Variants in SRPRB observed in about 807,000 individuals in gnomAD.
SRPRB encodes the protein signal recognition particle receptor subunit beta.
Under a neutral mutation model 31.9 loss-of-function variants are expected in SRPRB, and 20 were observed. That is an observed-to-expected ratio of 0.63 (90% CI 0.44 to 0.91). The LOEUF (loss-of-function observed/expected upper bound fraction) is 0.91. Among genes scored for constraint, SRPRB ranks in the 40% least tolerant of loss-of-function variants. SRPRB has a pLI of 0.00. For synonymous variants in SRPRB, 146 were observed against 132.8 expected (o/e 1.10, Z -0.68); for missense variants, 321 against 324.9 (o/e 0.99, Z 0.09).
intron 1 of SRPRB, among the ~76,000 whole-genome samples, chr3:133,800,021 C>T (rs1363492572): frequency 6.6e-6 from 1 of 152,198 alleles, no homozygotes; most frequent in Non-Finnish European, 1.5e-5. Flanking sequence ...CTTCCTTCTT[C>T]CCCCAGGGAC....
intron 1 of SRPRB, chr3:133,791,806 G>A (rs903921819): frequency 2.0e-5 from 3 of 152,136 alleles, no homozygotes; most frequent in African/African-American, 7.2e-5. Context: ...TAGGGAATGA[G>A]TCCTTTATCT....
chr3:133,790,521 A>G (rs1346142345), intron 1 of SRPRB: 1 of 152,272 alleles, frequency 6.6e-6, no homozygotes, highest in Non-Finnish European at 1.5e-5. Context: ...ACGATATGGA[A>G]AAAGTTTAGA....
In SRPRB at chr3:133,815,628, G is replaced by A. The variant is rs201723098; in HGVS notation, c.449G>A (p.Arg150Gln). 73 of 1,613,894 alleles carry A rather than the reference G, an allele frequency of 4.5e-5. 1 individual carries two copies. Among genetic ancestry groups the A allele is most frequent in the East Asian group, 3.1e-4 (14 of 44,862 alleles). The change falls in exon 5 of 7, where the codon CGA becomes CAA. Residue 150 changes from arginine to glutamine, a missense_variant. Physicochemically the swap from Arg to Gln is conservative, Grantham distance 43 (BLOSUM62 1). Coordinates refer to ENST00000678299, the MANE Select transcript of SRPRB (RefSeq NM_001379313.1). ...VFVVDSAAFQ[R>Q]EVKDVAEFLY... ...GTTGTGGATAGTGCAGCATTCCAGC[G>A]AGAGGTGAAAGATGTGGCTGAGTTT...
intron 1 of SRPRB, chr3:133,790,055 G>T (rs1282565678): frequency 6.6e-6 from 1 of 152,080 alleles, no homozygotes; most frequent in Non-Finnish European, 1.5e-5. Flanking sequence ...GACTTTAAAA[G>T]ATAGTGTCTA....
At position 133,818,125 on chromosome 3, in the gene SRPRB, A is replaced by G. The variant is rs574226143; in HGVS notation, c.602+1193A>G. 5.9e-5 allele frequency among the ~76,000 whole-genome samples: 9 copies of G among 152,232 alleles called. No homozygotes were observed. The South Asian group carries it at 1.9e-3, about 32-fold the overall frequency. ...CTCTTGGATTGTATCTGTTGCTGCC[A>G]TTAGGTTAATAAGGACATTGGAACA... On this transcript the variant is annotated intron_variant, in intron 6 of 6. Transcript: ENST00000678299.
chr3:133,827,542 G>GAT (rs1308254770), downstream of SRPRB: 5 of 238,036 alleles, frequency 2.1e-5, no homozygotes, highest in South Asian at 4.2e-4. Context: ...GCAGCCTTCT[G>GAT]GAGACCCCAC....
chr3:133,798,394 A>AT (rs1253033000), intron 1 of SRPRB, among the ~76,000 whole-genome samples: 1 of 152,184 alleles, frequency 6.6e-6, no homozygotes, highest in Non-Finnish European at 1.5e-5. Flanking sequence ...TCTTGCTAAT[A>AT]TTTTCATGGC....
In SRPRB at chr3:133,807,618, C is replaced by T. The variant is rs1462423783; in HGVS notation, c.250-128C>T. On this transcript the variant is annotated intron_variant, in intron 2 of 6. Transcript: ENST00000678299. ...TTCTACAGGTAAAAAAAATCAATAT[C>T]GTCTTTTTCACCTGTCGGAAGCAGC... is the stretch of plus-strand genomic sequence containing the variant. 14 of 647,342 alleles carry T rather than the reference C, an allele frequency of 2.2e-5. No homozygotes were observed. In the East Asian group the frequency reaches 4.0e-4, roughly 18 times the overall value. 40.1% of individuals were successfully genotyped at this position (647,342 alleles called of 1,614,324 possible).
chr3:133,789,883 T>C (rs910077613), intron 1 of SRPRB: 2 of 38,464 alleles, frequency 5.2e-5, no homozygotes, highest in African/African-American at 1.3e-4. Flanking sequence ...GTTTGCGTTT[T>C]TTTTTTTTTT....
chr3:133,823,859 T>G (rs1377402047), downstream of SRPRB, among the ~76,000 whole-genome samples: 1 of 152,156 alleles, frequency 6.6e-6, no homozygotes, highest in Non-Finnish European at 1.5e-5. Context: ...ACCAGAAGCA[T>G]GAGAGATCCA....
chr3:133,796,988 G>C (rs905685318), intron 1 of SRPRB, among the ~76,000 whole-genome samples: 3 of 152,168 alleles, frequency 2.0e-5, no homozygotes, highest in Non-Finnish European at 2.9e-5. Flanking sequence ...ATTGACTGTT[G>C]TCCCTTATAT....
In SRPRB at chr3:133,784,426, T is replaced by C. The variant is rs140441982; in HGVS notation, c.-174+282T>C. On this transcript the variant is annotated intron_variant, in intron 1 of 7. Coordinates refer to the SRPRB transcript ENST00000466490. ...GGTGTAAAGAGGTTGTGACTTATGATAGAGTTAGAAAATCACACATCTTGT... is the reference window on the plus strand; with the variant it reads ...GGTGTAAAGAGGTTGTGACTTATGACAGAGTTAGAAAATCACACATCTTGT... 15 of 147,058 alleles carry C rather than the reference T, an allele frequency of 1.0e-4. No homozygotes were observed. In the East Asian group the frequency reaches 2.8e-3, roughly 27 times the overall value. 9.1% of individuals were successfully genotyped at this position (147,058 alleles called of 1,614,324 possible). A position where few individuals can be genotyped will look rare whatever the true frequency, so the allele number is the denominator to read the frequency against.
chr3:133,787,925 T>C (rs1366371740), intron 1 of SRPRB: 1 of 152,212 alleles, frequency 6.6e-6, no homozygotes, highest in East Asian at 1.9e-4. Context: ...TGAAAACGAC[T>C]TTTGGAAGTG....
In SRPRB at chr3:133,820,231, G is replaced by C. The variant is rs191519747; in HGVS notation, c.*465G>C. On this transcript the variant is annotated 3_prime_UTR_variant, in exon 7 of 7. Transcript: ENST00000678299. ...CAGGCAATACATTGTCTAGTCCTTT[G>C]CGAATTTCTCTGATTTGTGGGCACA... is the stretch of plus-strand genomic sequence containing the variant. 267 of 164,198 alleles carry C rather than the reference G, an allele frequency of 1.6e-3. 1 individual carries two copies. The highest frequency in any genetic ancestry group is 2.9e-3 in the Non-Finnish European group (216 of 74,046). 10.2% of individuals were successfully genotyped at this position (164,198 alleles called of 1,614,324 possible).
intron 1 of SRPRB, chr3:133,792,377 T>C (rs2107954812): frequency 6.6e-6 from 1 of 152,310 alleles, no homozygotes; most frequent in Middle Eastern, 3.4e-3. Context: ...GCAAGAAATA[T>C]ACAATTTAAC....
rs1307609363 is a variant in SRPRB at position 133,807,792 on chromosome 3, G to A, written c.296G>A (p.Ser99Asn). The change falls in exon 3 of 7, where the codon AGC becomes AAC. Residue 99 changes from serine to asparagine, a missense_variant. Ser to Asn is a conservative substitution (Grantham distance 46). Transcript: ENST00000678299. ...GACACTCAGACGTCCATTACTGACA[G>A]CTGTGCTGTATACAGAGTCAACAAT... is the stretch of plus-strand genomic sequence containing the variant. ...YRDTQTSITD[S>N]CAVYRVNNNR... is the part of the protein sequence containing the mutation. The A allele has an allele frequency of 6.2e-6, 10 of 1,612,824 alleles. No individual in the cohort carries two copies. The highest frequency in any genetic ancestry group is 8.5e-6 in the Non-Finnish European group (10 of 1,179,750).
In SRPRB at chr3:133,819,985, T is replaced by G; in HGVS notation, c.*219T>G. The G allele has an allele frequency of 5.6e-6, 3 of 531,558 alleles. No homozygotes were observed. In the South Asian group the frequency reaches 6.7e-5, roughly 12 times the overall value. The allele number at this position is 531,558 out of a possible 1,614,324, so 32.9% of individuals were successfully genotyped here. On this transcript the variant is annotated 3_prime_UTR_variant, in exon 7 of 7. Transcript: ENST00000678299. ...CTGCCTTTCAAACAAGTACCTTTTA[T>G]CTGATGCCTGTATCTTCCCTTTGTT...
intron 1 of SRPRB, chr3:133,789,872 C>T (rs1334381126): frequency 7.2e-5 from 7 of 97,544 alleles, no homozygotes; most frequent in African/African-American, 2.1e-4. Context: ...AAAACGATCT[C>T]GTTTGCGTTT....
At chr3:133,792,942 A>G (rs1458944149) in intron 1 of SRPRB, 1 of 152,222 alleles carries the variant, frequency 6.6e-6, no homozygotes, top group Admixed American at 6.5e-5. Context: ...CTCTTTAACA[A>G]ACATTTGTAA....
Sources: gnomAD v4.1 joint callset for allele counts (sites outside exome capture counted in the v4.1 genomes callset) on GRCh38, gnomAD v4.1.1 for gene constraint, MANE v1.5 for transcripts, NCBI Gene and HGNC (gene_info 2026-07-23, HGNC 2026-07-21) for gene names.